Variants in RXYLT1 observed in about 807,000 individuals in gnomAD.
RXYLT1 encodes ribitol-5-phosphate xylosyltransferase 1.
RXYLT1 carries 41 observed loss-of-function variants against 43.5 expected under a neutral mutation model. That is an observed-to-expected ratio of 0.94 (90% CI 0.73 to 1.22). The LOEUF is 1.22. Among genes scored for constraint, RXYLT1 ranks in the 50% most tolerant of loss-of-function variants. The pLI, the probability that RXYLT1 is intolerant of heterozygous loss-of-function variation, is 0.00. For missense variants in RXYLT1, 514 were observed against 532.0 expected (o/e 0.97, Z 0.33); for synonymous variants, 166 against 194.4 (o/e 0.85, Z 1.21).
At chr12:63,789,014 T>C (rs1250759787) in intron 3 of RXYLT1, among the ~76,000 whole-genome samples, 1 of 152,168 alleles carries the variant, frequency 6.6e-6, no homozygotes, top group Non-Finnish European at 1.5e-5. Context: ...TTAGTTTCTG[T>C]CTTTAGTAAT....
intron 3 of RXYLT1, among the ~76,000 whole-genome samples, chr12:63,785,964 A>G (rs117972385): frequency 0.033 from 5,019 of 152,120 alleles, 113 homozygotes; most frequent in Middle Eastern, 0.065. Flanking sequence ...TATCTTTTCA[A>G]AGTTAAAAAG....
intron 3 of RXYLT1, among the ~76,000 whole-genome samples, chr12:63,796,820 A>G (rs1349621600): frequency 6.6e-6 from 1 of 152,066 alleles, no homozygotes; most frequent in East Asian, 1.9e-4. Context: ...AATCCCAATA[A>G]GACTTTAATG....
Position 63,802,241 on chromosome 12 carries a change from C to G in RXYLT1, c.579C>G (p.Leu193=). Residue 193 remains leucine (L), a synonymous_variant, in exon 4 of 6, where the codon CTC becomes CTG. Transcript: ENST00000261234. The part of the protein sequence containing the change: ...YAQNLVQIQK[L]QHLAVVLLGN... ...AAAATTTAGTGCAAATTCAAAAACTCCAGCATCTTGCTGTTGTTTTGCTCG... is the reference window on the plus strand; with the variant it reads ...AAAATTTAGTGCAAATTCAAAAACTGCAGCATCTTGCTGTTGTTTTGCTCG... The G allele has an allele frequency of 6.2e-7, 1 of 1,614,060 alleles. No individual in the cohort carries two copies. Among genetic ancestry groups the G allele is most frequent in the Non-Finnish European group, 8.5e-7 (1 of 1,180,004 alleles).
intron 3 of RXYLT1, among the ~76,000 whole-genome samples, chr12:63,800,691 C>G (rs1164123262): frequency 6.6e-6 from 1 of 152,074 alleles, no homozygotes; most frequent in Non-Finnish European, 1.5e-5. Context: ...AAGGCCAAGG[C>G]AGGTGAATCA....
chr12:63,801,869 A>G (rs1452005969), intron 3 of RXYLT1, among the ~76,000 whole-genome samples: 1 of 152,114 alleles, frequency 6.6e-6, no homozygotes, highest in Non-Finnish European at 1.5e-5. Flanking sequence ...TTGTATTATC[A>G]TATGCAAATT....
chr12:63,804,045 G>C (rs1012768489), intron 4 of RXYLT1: 1 of 152,072 alleles, frequency 6.6e-6, no homozygotes, highest in Non-Finnish European at 1.5e-5. Flanking sequence ...TAGAGAGGGG[G>C]TTTCGCCATG....
intron 2 of RXYLT1, chr12:63,782,792 T>C (rs1356800058): frequency 1.8e-5 from 5 of 270,964 alleles, no homozygotes; most frequent in Admixed American, 9.3e-5. Flanking sequence ...TAGCAAAAGG[T>C]TGTGCAGCCA....
In RXYLT1 at chr12:63,798,419, G is replaced by T. The variant is rs542474113; in HGVS notation, c.429-3672G>T. ...TCACTTCCTTACTTCTCAACCCATT[G>T]CAGTTTGACTAACAAACTTTCCAAC... is the stretch of plus-strand genomic sequence containing the variant. On this transcript the variant is annotated intron_variant, in intron 3 of 5. Coordinates refer to ENST00000261234, the MANE Select transcript of RXYLT1 (RefSeq NM_014254.3). Among the ~76,000 whole-genome samples the T allele has an allele frequency of 5.3e-5, 8 of 152,214 alleles. No individual in the cohort carries two copies. The East Asian group carries it at 1.5e-3, about 29-fold the overall frequency.
At chr12:63,787,361 T>C (rs1476267146) in intron 3 of RXYLT1, among the ~76,000 whole-genome samples, 2 of 152,200 alleles carry the variant, frequency 1.3e-5, no homozygotes, top group Non-Finnish European at 2.9e-5. Flanking sequence ...AATTCTACTT[T>C]TCTTTCCATT....
chr12:63,807,544 T>C (rs1898326996), intron 5 of RXYLT1: 1 of 152,206 alleles, frequency 6.6e-6, no homozygotes, highest in Non-Finnish European at 1.5e-5. Flanking sequence ...TCACTGAGAA[T>C]AGTCAGGAGA....
chr12:63,781,638 C>T (rs533199699), intron 2 of RXYLT1, among the ~76,000 whole-genome samples: 1 of 152,180 alleles, frequency 6.6e-6, no homozygotes, highest in East Asian at 1.9e-4. Context: ...ATTGTATCAG[C>T]GAAGGAATAT....
rs558563673 is a variant in RXYLT1 at position 63,801,971 on chromosome 12, C to G, written c.429-120C>G. On this transcript the variant is annotated intron_variant, in intron 3 of 5. Transcript: ENST00000261234. ...AGATTGTATTATAGAAATTTTACTT[C>G]TAGATAGAATGTGGATTAAATCTCA... is the stretch of plus-strand genomic sequence containing the variant. 19 of 937,504 alleles carry G rather than the reference C, an allele frequency of 2.0e-5. No homozygotes were observed. In the South Asian group the frequency reaches 3.2e-4, roughly 16 times the overall value. The allele number at this position is 937,504 out of a possible 1,614,324, so 58.1% of individuals were successfully genotyped here.
At chr12:63,802,611 A>G (rs1313683921) in intron 4 of RXYLT1, among the ~76,000 whole-genome samples, 1 of 152,124 alleles carries the variant, frequency 6.6e-6, no homozygotes, top group Non-Finnish European at 1.5e-5. Context: ...TTTAATGAGG[A>G]GATGAGTTAC....
chr12:63,782,873 T>A (rs1289435492), intron 2 of RXYLT1, among the ~76,000 whole-genome samples: 1 of 152,230 alleles, frequency 6.6e-6, no homozygotes, highest in Non-Finnish European at 1.5e-5. Flanking sequence ...TTTGCAATCT[T>A]AATGGTCCGA....
At chr12:63,781,244 T>C (rs1277460252) in intron 2 of RXYLT1, 70 bp downstream of exon 2, 1 of 1,310,290 alleles carries the variant, frequency 7.6e-7, no homozygotes, top group Non-Finnish European at 1.0e-6. Flanking sequence ...ATGAAATTCA[T>C]TTTAATATAA....
rs745327804 is a variant in RXYLT1, at chr12:63,781,099, A to G, written c.250A>G (p.Ser84Gly). 27 of 1,610,210 alleles carry G rather than the reference A, an allele frequency of 1.7e-5. No homozygotes were observed. The Middle Eastern group carries it at 6.6e-4, about 39-fold the overall frequency. ...KNEQQHRFKTSLQILDKSTKG... is the reference protein window; with the variant it reads ...KNEQQHRFKTGLQILDKSTKG... ...TGAGCAACAACACAGATTTAAAACT[A>G]GCCTTCAAATATTAGATAAATCCAC... Residue 84 changes from serine (S) to glycine (G), a missense_variant, in exon 2 of 6, where the codon AGC (serine) becomes GGC (glycine). Physicochemically the swap from Ser to Gly is moderately conservative, Grantham distance 56. Coordinates refer to ENST00000261234, the MANE Select transcript of RXYLT1 (RefSeq NM_014254.3).
intron 1 of RXYLT1, 132 bp downstream of exon 1, chr12:63,780,261 CT>C: frequency 7.3e-7 from 1 of 1,369,812 alleles, no homozygotes; most frequent in Non-Finnish European, 9.3e-7. Flanking sequence ...GCTTTGCCCC[CT>C]ACAGCCTCTC....
At chr12:63,808,562 C>CTAT (rs1004326289) in intron 5 of RXYLT1, 113 bp from the exon 6 acceptor site, 2 of 1,211,242 alleles carry the variant, frequency 1.7e-6, no homozygotes, top group African/African-American at 3.1e-5. Flanking sequence ...CCTATCATCT[C>CTAT]TATAAAGTTT....
chr12:63,785,792 A>G (rs1163365601), intron 3 of RXYLT1, among the ~76,000 whole-genome samples: 1 of 152,044 alleles, frequency 6.6e-6, no homozygotes, highest in Non-Finnish European at 1.5e-5. Context: ...TTATTGGGGG[A>G]AAATGTGAAC....
Sources: allele counts gnomAD v4.1 joint callset (sites outside exome capture counted in the v4.1 genomes callset), GRCh38; gene constraint gnomAD v4.1.1; transcripts MANE v1.5; gene names NCBI Gene and HGNC (gene_info 2026-07-23, HGNC 2026-07-21).